Variants in CNTN5 observed in about 807,000 individuals in gnomAD.
The protein encoded by CNTN5 is contactin-5.
Under a neutral mutation model 129.1 loss-of-function variants are expected in CNTN5, and 77 were observed. The observed-to-expected ratio is 0.60, with a 90% CI of 0.50 to 0.72. The LOEUF (loss-of-function observed/expected upper bound fraction) is 0.72. Ranked by LOEUF, CNTN5 falls within the 30% of genes least tolerant of loss-of-function variation. The probability of loss-of-function intolerance (pLI) is 0.00; values close to 1 mark genes in which losing one functional copy is unlikely to be tolerated. For synonymous variants in CNTN5, 509 were observed against 465.6 expected (o/e 1.09, Z -1.20); for missense variants, 1,478 against 1,328.8 (o/e 1.11, Z -1.75).
rs575178049 is a variant in CNTN5 at position 99,617,451 on chromosome 11, C to G, written c.55+61182C>G. 1.9e-4 allele frequency among the ~76,000 whole-genome samples: 29 copies of G among 152,242 alleles called. No homozygotes were observed. In the South Asian group the frequency reaches 5.8e-3, roughly 30 times the overall value. ...ATGGAGGTGATTTATCCATTATCTT[C>G]CCGAAGGCTCTGACAAAGTTTCCAT... On this transcript the variant is annotated intron_variant, in intron 3 of 24. Transcript: ENST00000524871.
At chr11:99,969,767 T>TC (rs1310824740) in intron 8 of CNTN5, among the ~76,000 whole-genome samples, 1 of 152,172 alleles carries the variant, frequency 6.6e-6, no homozygotes, top group Non-Finnish European at 1.5e-5. Context: ...AAATCAGTCA[T>TC]TCCATGTACT....
At chr11:100,011,323 T>C (rs1940519675) in intron 9 of CNTN5, among the ~76,000 whole-genome samples, 1 of 152,042 alleles carries the variant, frequency 6.6e-6, no homozygotes, top group African/African-American at 2.4e-5. Context: ...AATGACCCAA[T>C]ACACAAGGGC....
intron 13 of CNTN5, 73 bp from the exon 14 acceptor site, chr11:100,191,053 T>G (rs1948470175): frequency 7.6e-6 from 8 of 1,046,054 alleles, no homozygotes; most frequent in Non-Finnish European, 1.1e-5. Context: ...GGTTTTAGAC[T>G]TCATCATTGG....
intron 3 of CNTN5, among the ~76,000 whole-genome samples, chr11:99,789,991 A>T (rs1240338280): frequency 1.3e-5 from 2 of 151,898 alleles, no homozygotes; most frequent in African/African-American, 4.8e-5. Flanking sequence ...TTGAGTACCC[A>T]GTGTTTAGCT....
chr11:99,119,752 C>A (rs1200475200), intron 1 of CNTN5, among the ~76,000 whole-genome samples: 1 of 152,022 alleles, frequency 6.6e-6, no homozygotes, highest in Non-Finnish European at 1.5e-5. Context: ...ACACTCCCAC[C>A]AACAACATAT....
chr11:99,762,943 C>T (rs1565501863), intron 3 of CNTN5, among the ~76,000 whole-genome samples: 2 of 152,074 alleles, frequency 1.3e-5, no homozygotes. Context: ...ATGCATTCCC[C>T]ATTGAGTCTC....
chr11:99,629,875 T>C (rs983821933), intron 3 of CNTN5, among the ~76,000 whole-genome samples: 1 of 151,778 alleles, frequency 6.6e-6, no homozygotes, highest in East Asian at 1.9e-4. Context: ...AATATAAAAA[T>C]ACTTGATATA....
intron 2 of CNTN5, among the ~76,000 whole-genome samples, chr11:99,454,039 A>G (rs1158457402): frequency 4.6e-5 from 7 of 152,218 alleles, no homozygotes; most frequent in African/African-American, 1.7e-4. Flanking sequence ...TGAAATACCC[A>G]GCTCTAAAAT....
chr11:99,449,398 T>C (rs1372208189), intron 2 of CNTN5, among the ~76,000 whole-genome samples: 1 of 152,222 alleles, frequency 6.6e-6, no homozygotes, highest in Non-Finnish European at 1.5e-5. Context: ...TAAAGAACTT[T>C]AATTGCTTTC....
At chr11:99,205,949 T>C (rs1859458306) in intron 1 of CNTN5, among the ~76,000 whole-genome samples, 1 of 152,138 alleles carries the variant, frequency 6.6e-6, no homozygotes, top group Admixed American at 6.6e-5. Context: ...ATAGACTATA[T>C]GACTTGAAAT....
chr11:100,294,127 G>A (rs914721916), intron 18 of CNTN5, among the ~76,000 whole-genome samples: 1 of 151,490 alleles, frequency 6.6e-6, no homozygotes, highest in African/African-American at 2.4e-5. Flanking sequence ...CTCGAAAAGA[G>A]CTGTATTTTT....
At chr11:99,651,005 A>C (rs1225142075) in intron 3 of CNTN5, among the ~76,000 whole-genome samples, 3 of 151,990 alleles carry the variant, frequency 2.0e-5, no homozygotes, top group African/African-American at 7.2e-5. Flanking sequence ...GAAGAATAAG[A>C]GAAATTGTCT....
At chr11:99,240,548 C>T (rs550423484) in intron 1 of CNTN5, among the ~76,000 whole-genome samples, 1 of 152,256 alleles carries the variant, frequency 6.6e-6, no homozygotes, top group South Asian at 2.1e-4. Context: ...TCTTTTCTGC[C>T]TCTTCCTCCT....
chr11:100,177,952 A>G (rs1565316614), intron 13 of CNTN5, among the ~76,000 whole-genome samples: 2 of 152,080 alleles, frequency 1.3e-5, no homozygotes, highest in Non-Finnish European at 2.9e-5. Context: ...ACTCAGCATA[A>G]AAAAACCTGC....
At chr11:100,293,183 G>A (rs1038115779) in intron 18 of CNTN5, among the ~76,000 whole-genome samples, 14 of 151,616 alleles carry the variant, frequency 9.2e-5, no homozygotes, top group Admixed American at 1.3e-4. Flanking sequence ...AGTTCATTGT[G>A]GATCCATATA....
intron 3 of CNTN5, among the ~76,000 whole-genome samples, chr11:99,710,056 A>G (rs1414995766): frequency 6.6e-6 from 1 of 151,722 alleles, no homozygotes; most frequent in Non-Finnish European, 1.5e-5. Flanking sequence ...TTGTGCTATT[A>G]GTATTTTTTT....
At chr11:100,329,082 G>A (rs770921449) in intron 21 of CNTN5, among the ~76,000 whole-genome samples, 11 of 152,170 alleles carry the variant, frequency 7.2e-5, no homozygotes, top group Non-Finnish European at 1.2e-4. Flanking sequence ...CTATTGGAGG[G>A]GGGCGTGGTG....
intron 2 of CNTN5, among the ~76,000 whole-genome samples, chr11:99,329,559 C>A (rs911781194): frequency 1.3e-5 from 2 of 152,252 alleles, no homozygotes; most frequent in African/African-American, 4.8e-5. Context: ...TCTATCTCTT[C>A]ATTAGATGGG....
At chr11:99,710,977 T>C (rs937968943) in intron 3 of CNTN5, among the ~76,000 whole-genome samples, 4 of 151,822 alleles carry the variant, frequency 2.6e-5, no homozygotes, top group African/African-American at 9.7e-5. Flanking sequence ...CAAAGGAAAA[T>C]TTTTTAGTAT....
Sources: allele counts gnomAD v4.1 joint callset (sites outside exome capture counted in the v4.1 genomes callset), GRCh38; gene constraint gnomAD v4.1.1; transcripts MANE v1.5; gene names NCBI Gene and HGNC (gene_info 2026-07-23, HGNC 2026-07-21).